MTFR1: variants seen among roughly 807,000 people sequenced by gnomAD.
MTFR1 encodes the protein mitochondrial fission regulator 1.
In MTFR1, 28 loss-of-function variants were observed where a neutral mutation model predicts 38.8. That is an observed-to-expected ratio of 0.72 (90% CI 0.53 to 0.99). The LOEUF (loss-of-function observed/expected upper bound fraction) is 0.99. Ranked by LOEUF, MTFR1 falls within the 50% of genes least tolerant of loss-of-function variation. MTFR1 has a pLI of 0.00. For synonymous variants in MTFR1, 145 were observed against 137.0 expected (o/e 1.06, Z -0.41); for missense variants, 358 against 395.5 (o/e 0.91, Z 0.81).
chr8:65,727,397 G>GGTA, intron 3 of MTFR1: 1 of 1,525,996 alleles, frequency 6.6e-7, no homozygotes, highest in Non-Finnish European at 8.8e-7. Context: ...TGGTAGTGGT[G>GGTA]GTAATCTCCT....
At chr8:65,773,577 T>G (rs1809173029), downstream of MTFR1, among the ~76,000 whole-genome samples, 1 of 152,222 alleles carries the variant, frequency 6.6e-6, no homozygotes, top group South Asian at 2.1e-4. Context: ...ACCATTTTTT[T>G]GTCATTAAGT....
intron 1 of MTFR1, among the ~76,000 whole-genome samples, chr8:65,648,982 T>TC (rs1809042999): frequency 6.6e-6 from 1 of 152,116 alleles, no homozygotes; most frequent in Non-Finnish European, 1.5e-5. Flanking sequence ...CCTTCTGGAT[T>TC]CATAGGTTCT....
chr8:65,731,619 A>C (rs1342764245), intron 3 of MTFR1: 1 of 152,186 alleles, frequency 6.6e-6, no homozygotes, highest in Non-Finnish European at 1.5e-5. Context: ...TTTATAATCC[A>C]CATGAGTTCA....
At chr8:65,655,055 TA>T (rs1809218923) in intron 1 of MTFR1, among the ~76,000 whole-genome samples, 1 of 152,220 alleles carries the variant, frequency 6.6e-6, no homozygotes. Flanking sequence ...TCACTTAAGA[TA>T]TTTGAATAGT....
chr8:65,681,553 C>T (rs1001623963), intron 2 of MTFR1, among the ~76,000 whole-genome samples: 2 of 152,092 alleles, frequency 1.3e-5, no homozygotes, highest in Non-Finnish European at 2.9e-5. Context: ...AAGTGTAGCA[C>T]TCAAAACAGA....
intron 3 of MTFR1, among the ~76,000 whole-genome samples, chr8:65,757,821 A>G (rs1173971132): frequency 6.6e-6 from 1 of 151,926 alleles, no homozygotes; most frequent in Non-Finnish European, 1.5e-5. Flanking sequence ...GTTTCACCAT[A>G]TTGGCCAGGC....
chr8:65,682,867 G>T, intron 3 of MTFR1: 6 of 985,246 alleles, frequency 6.1e-6, no homozygotes, highest in Non-Finnish European at 7.2e-6. Context: ...CATATAAGTT[G>T]CTTTCCGTCA....
chr8:65,689,752 T>A (rs1333863023), intron 3 of MTFR1, among the ~76,000 whole-genome samples: 1 of 152,186 alleles, frequency 6.6e-6, no homozygotes, highest in Non-Finnish European at 1.5e-5. Flanking sequence ...GTCCTTTGCA[T>A]CCCATGCCTG....
chr8:65,646,281 TCA>T (rs1808963524), intron 1 of MTFR1, among the ~76,000 whole-genome samples: 1 of 152,140 alleles, frequency 6.6e-6, no homozygotes, highest in Non-Finnish European at 1.5e-5. Flanking sequence ...TTACCTGAAG[TCA>T]CACTGCTGAA....
chr8:65,676,906 T>C (rs1303082891), intron 2 of MTFR1, among the ~76,000 whole-genome samples: 1 of 152,152 alleles, frequency 6.6e-6, no homozygotes, highest in Non-Finnish European at 1.5e-5. Flanking sequence ...TCCTCCTCCT[T>C]GCTGTCATCA....
At chr8:65,700,513 C>G (rs1805585813) in intron 4 of MTFR1, among the ~76,000 whole-genome samples, 1 of 152,102 alleles carries the variant, frequency 6.6e-6, no homozygotes, top group Admixed American at 6.6e-5. Context: ...CTTTTCTGTA[C>G]ACATTTTCAT....
At chr8:65,663,837 T>C (rs1288750916) in intron 1 of MTFR1, among the ~76,000 whole-genome samples, 1 of 145,704 alleles carries the variant, frequency 6.9e-6, no homozygotes, top group Non-Finnish European at 1.5e-5. Context: ...TTTTTTTTTT[T>C]TTTTTGAGAC....
At chr8:65,723,351 T>C in intron 3 of MTFR1, 1 of 449,426 alleles carries the variant, frequency 2.2e-6, no homozygotes. Context: ...AAAAATATAC[T>C]TTTTACATCC....
chr8:65,657,010 TTTAC>T (rs1400543153), intron 1 of MTFR1, among the ~76,000 whole-genome samples: 1 of 150,762 alleles, frequency 6.6e-6, no homozygotes, highest in Admixed American at 6.6e-5. Flanking sequence ...CATTTATTTA[TTTAC>T]TTATTTTTTT....
At chr8:65,712,068 TA>T (rs1334888388), downstream of MTFR1, among the ~76,000 whole-genome samples, 40 of 152,218 alleles carry the variant, frequency 2.6e-4, no homozygotes, top group African/African-American at 8.4e-4. Context: ...ACCAAAGGTA[TA>T]AAAACATTCT....
At chr8:65,753,944 A>C (rs943216115) in intron 3 of MTFR1, among the ~76,000 whole-genome samples, 2 of 151,834 alleles carry the variant, frequency 1.3e-5, no homozygotes, top group Non-Finnish European at 2.9e-5. Flanking sequence ...GTCACCCCAG[A>C]TCTCTTTTGG....
intron 1 of MTFR1, among the ~76,000 whole-genome samples, chr8:65,662,514 C>T (rs1403159391): frequency 1.3e-5 from 2 of 148,202 alleles, no homozygotes; most frequent in African/African-American, 2.5e-5. Context: ...TCTGCCCGGC[C>T]GCCACCCCGT....
chr8:65,682,673 A>G (rs1366781310), intron 3 of MTFR1: 6 of 700,818 alleles, frequency 8.6e-6, no homozygotes, highest in Non-Finnish European at 1.1e-5. Flanking sequence ...TTAAGGATGC[A>G]TATGTGAAGA....
intron 3 of MTFR1, among the ~76,000 whole-genome samples, chr8:65,692,080 A>C (rs1434394402): frequency 6.6e-6 from 1 of 152,200 alleles, no homozygotes; most frequent in Non-Finnish European, 1.5e-5. Flanking sequence ...TCCCAAGGGT[A>C]ACCTTTTTGA....
Sources: gnomAD v4.1 joint callset for allele counts (sites outside exome capture counted in the v4.1 genomes callset) on GRCh38, gnomAD v4.1.1 for gene constraint, MANE v1.5 for transcripts, NCBI Gene and HGNC (gene_info 2026-07-23, HGNC 2026-07-21) for gene names.